ANO5: variants seen among roughly 807,000 people sequenced by gnomAD.
The protein encoded by ANO5 is anoctamin 5, also known as anoctamin-5.
A neutral mutation model predicts 121.0 loss-of-function variants in ANO5; 109 were observed. The ratio of observed to expected loss-of-function variants is 0.90; its 90% confidence interval spans 0.77 to 1.06. The LOEUF is 1.06. Among genes scored for constraint, ANO5 ranks in the 50% least tolerant of loss-of-function variants. ANO5 has a pLI of 0.00. For synonymous variants in ANO5, 406 were observed against 359.9 expected, an observed-to-expected ratio of 1.13 and a Z score of -1.45; for missense variants, 1,064 against 1,078.5, an observed-to-expected ratio of 0.99 and a Z score of 0.19.
intron 2 of ANO5, among the ~76,000 whole-genome samples, chr11:22,204,866 A>C (rs990478592): frequency 3.9e-5 from 6 of 152,164 alleles, no homozygotes; most frequent in Non-Finnish European, 7.4e-5. Flanking sequence ...AAAGGAATAC[A>C]AATCATTCTT....
rs934079819 is a variant in ANO5, at chr11:22,279,911, C to G, written c.*146C>G. On this transcript the variant is annotated 3_prime_UTR_variant, in exon 22 of 22. Coordinates refer to ENST00000324559, the MANE Select transcript of ANO5 (RefSeq NM_213599.3). ...TTTTTAAACTCAAAGTTTTTATACA[C>G]TTTTATAGAGGCCAACTTTGTGATG... 1.4e-6 allele frequency: 1 copy of G among 707,524 alleles called. No individual in the cohort carries two copies. 43.8% of individuals were successfully genotyped at this position (707,524 alleles called of 1,614,324 possible).
intron 7 of ANO5, among the ~76,000 whole-genome samples, chr11:22,233,933 C>T (rs775714759): frequency 3.3e-5 from 5 of 152,142 alleles, no homozygotes; most frequent in Non-Finnish European, 5.9e-5. Flanking sequence ...ACCACTTCCA[C>T]CGCTTGGTAG....
intron 17 of ANO5, among the ~76,000 whole-genome samples, chr11:22,268,439 AAT>A (rs1854449628): frequency 6.6e-6 from 1 of 151,290 alleles, no homozygotes; most frequent in Non-Finnish European, 1.5e-5. Context: ...ATCTTTTTAG[AAT>A]ATATATGTTT....
chr11:22,259,629 C>T lies in ANO5; in HGVS notation c.1518C>T (p.Ser506=). The change falls in exon 15 of 22, where the codon AGC becomes AGT. Residue 506 remains serine (S), a synonymous_variant. Transcript: ENST00000324559. ...ATGCATCCTTAAAGCAGGTCAAAAG[C>T]TTCCTTACTCCTCAGATAACCACAT... ...ESDASLKQVK[S]FLTPQITTSL... The T allele has an allele frequency of 3.7e-6, 6 of 1,614,012 alleles. No individual in the cohort carries two copies. The highest frequency in any genetic ancestry group is 3.3e-5 in the South Asian group (3 of 91,080).
intron 2 of ANO5, among the ~76,000 whole-genome samples, chr11:22,209,978 A>G (rs756205823): frequency 3.9e-5 from 6 of 151,962 alleles, no homozygotes; most frequent in Non-Finnish European, 8.8e-5. Flanking sequence ...ATGTAGCTGC[A>G]CAGCATATTT....
chr11:22,204,994 T>C (rs537132896), intron 2 of ANO5, among the ~76,000 whole-genome samples: 1 of 152,220 alleles, frequency 6.6e-6, no homozygotes, highest in South Asian at 2.1e-4. Flanking sequence ...GATACATATA[T>C]ATCATAAAAT....
At position 22,278,949 on chromosome 11, in the gene ANO5, T is replaced by A. The variant is rs150898317; in HGVS notation, c.2521-595T>A. On this transcript the variant is annotated intron_variant, in intron 21 of 21. Transcript: ENST00000324559. ...TGGTGCCCCTGGATTCACAGCTTTG[T>A]GGTATAATTTCTGCAGAAAACAAAC... Among the ~76,000 whole-genome samples, 844 of 151,668 alleles carry A rather than the reference T, an allele frequency of 5.6e-3. 7 individuals are homozygous for A. The highest frequency in any genetic ancestry group is 0.019 in the African/African-American group (797 of 41,436).
intron 20 of ANO5, 94 bp downstream of exon 20, chr11:22,274,841 A>T: frequency 3.4e-6 from 5 of 1,450,456 alleles, no homozygotes; most frequent in Non-Finnish European, 3.8e-6. Context: ...AATATAAAGG[A>T]TTTTCTTAGG....
intron 4 of ANO5, among the ~76,000 whole-genome samples, chr11:22,220,431 G>T (rs879785857): frequency 6.6e-6 from 1 of 151,880 alleles, no homozygotes; most frequent in Non-Finnish European, 1.5e-5. Context: ...TACACAACAC[G>T]TGAAAGTTGA....
At chr11:22,203,961 C>T (rs1458756782) in intron 2 of ANO5, 111 bp downstream of exon 2, 13 of 651,482 alleles carry the variant, frequency 2.0e-5, no homozygotes, top group Non-Finnish European at 5.1e-6. Context: ...ATTATGCCCT[C>T]TAATTTATTC....
At chr11:22,217,848 A>G (rs2133576173) in intron 3 of ANO5, among the ~76,000 whole-genome samples, 1 of 152,104 alleles carries the variant, frequency 6.6e-6, no homozygotes, top group Non-Finnish European at 1.5e-5. Context: ...TAACTGGGTG[A>G]TGAAATAATC....
chr11:22,201,415 T>C (rs1368809225), intron 1 of ANO5, among the ~76,000 whole-genome samples: 1 of 152,158 alleles, frequency 6.6e-6, no homozygotes, highest in East Asian at 1.9e-4. Context: ...ATCAGATGCT[T>C]TGAACTAGCC....
chr11:22,235,769 T>G (rs1321426339), intron 7 of ANO5, among the ~76,000 whole-genome samples: 1 of 152,146 alleles, frequency 6.6e-6, no homozygotes, highest in East Asian at 1.9e-4. Context: ...TGAAGAAGTA[T>G]TCAAGACAGC....
rs889517310 is a variant in ANO5 at position 22,211,301 on chromosome 11, A to G, written c.125A>G (p.Asn42Ser). The change falls in exon 3 of 22, where the codon AAT becomes AGT. Residue 42 changes from asparagine to serine, a missense_variant. Physicochemically the swap from Asn to Ser is conservative, Grantham distance 46. Transcript: ENST00000324559. ...AGCAGAGAGACCAGCTTTCTCATCAATGAAGAAACAATGGTAAGCAGCGAC... is the reference window on the plus strand; with the variant it reads ...AGCAGAGAGACCAGCTTTCTCATCAGTGAAGAAACAATGGTAAGCAGCGAC... ...LSSRETSFLI[N>S]EETMPAKRFN... The G allele has an allele frequency of 2.1e-5, 34 of 1,612,226 alleles. No individual in the cohort carries two copies. The highest frequency in any genetic ancestry group is 2.9e-5 in the Non-Finnish European group (34 of 1,178,662).
intron 2 of ANO5, among the ~76,000 whole-genome samples, chr11:22,205,316 A>G (rs1363833392): frequency 6.6e-6 from 1 of 152,048 alleles, no homozygotes; most frequent in Admixed American, 6.6e-5. Flanking sequence ...TTATGTATGC[A>G]ACAAACCTGC....
rs1292169961 is a variant in ANO5 at position 22,211,241 on chromosome 11, A to G, written c.88-23A>G. 3.1e-6 allele frequency: 5 copies of G among 1,610,520 alleles called. No homozygotes were observed. The Admixed American group carries it at 8.4e-5, about 27-fold the overall frequency. ...CACCTGCACTATTAATAATAGCATTATATCTTCCCCTGGTACTGTTAGCAG... is the reference window on the plus strand; with the variant it reads ...CACCTGCACTATTAATAATAGCATTGTATCTTCCCCTGGTACTGTTAGCAG... On this transcript the variant is annotated intron_variant, in intron 2 of 21. Coordinates refer to ENST00000324559, the MANE Select transcript of ANO5 (RefSeq NM_213599.3).
At chr11:22,275,853 G>A (rs1253482250) in intron 20 of ANO5, among the ~76,000 whole-genome samples, 4 of 151,608 alleles carry the variant, frequency 2.6e-5, no homozygotes, top group Admixed American at 2.0e-4. Context: ...GTCTTTGAAG[G>A]GCAAGAGAGA....
rs34022294 is a variant in ANO5 at position 22,274,163 on chromosome 11, T to TACACACACACACACAC, written c.2236-391_2236-376dup. 2.8e-5 allele frequency among the ~76,000 whole-genome samples: 4 copies of TACACACACACACACAC among 143,844 alleles called. No individual in the cohort carries two copies. In the East Asian group the frequency reaches 6.1e-4, roughly 22 times the overall value. The allele number at this position is 143,844 out of a possible 152,430, so 94.4% of individuals were successfully genotyped here. ...CTTCATTCCTTTCCTGTTAATCTCT[T>TACACACACACACACAC]ACACACACACACACACACACACACA... is the stretch of plus-strand genomic sequence containing the variant. On this transcript the variant is annotated intron_variant, in intron 19 of 21. Coordinates refer to ENST00000324559, the MANE Select transcript of ANO5 (RefSeq NM_213599.3).
In ANO5 at chr11:22,253,271, T is replaced by C. The variant is rs147086982; in HGVS notation, c.1181-2100T>C. ...TAGAAATCATGGGAACAATATTGTT[T>C]TTAGTCCACATCATTTCTCTTTCCT... On this transcript the variant is annotated intron_variant, in intron 12 of 21. Coordinates refer to ENST00000324559, the MANE Select transcript of ANO5 (RefSeq NM_213599.3). 7.1e-3 allele frequency among the ~76,000 whole-genome samples: 1,055 copies of C among 148,806 alleles called. 10 individuals are homozygous for C. Among genetic ancestry groups the C allele is most frequent in the African/African-American group, 0.026 (997 of 38,390 alleles).
Sources: allele counts gnomAD v4.1 joint callset (sites outside exome capture counted in the v4.1 genomes callset), GRCh38; gene constraint gnomAD v4.1.1; transcripts MANE v1.5; gene names NCBI Gene and HGNC (gene_info 2026-07-23, HGNC 2026-07-21).